Variants in REV3L observed in about 807,000 individuals in gnomAD.
The protein encoded by REV3L is DNA polymerase zeta catalytic subunit.
Under a neutral mutation model 299.4 loss-of-function variants are expected in REV3L, and 69 were observed. That is an observed-to-expected ratio of 0.23 (90% CI 0.19 to 0.28). The LOEUF is 0.28. Ranked by LOEUF, REV3L falls within the 10% of genes least tolerant of loss-of-function variation. The pLI is 1.00. For synonymous variants in REV3L, 1,238 were observed against 1,271.4 expected (o/e 0.97, Z 0.56); for missense variants, 3,128 against 3,693.8 (o/e 0.85, Z 3.97).
At chr6:111,300,191 AAAGT>A (rs1771328507) in intron 31 of REV3L, 35 bp from the exon 32 acceptor site, 1 of 1,539,306 alleles carries the variant, frequency 6.5e-7, no homozygotes, top group Non-Finnish European at 8.7e-7. Context: ...AAATAATAGG[AAAGT>A]TTTTATGCGT....
At chr6:111,426,244 G>T (rs577468731) in intron 1 of REV3L, among the ~76,000 whole-genome samples, 3 of 152,216 alleles carry the variant, frequency 2.0e-5, no homozygotes, top group Non-Finnish European at 4.4e-5. Flanking sequence ...AGAAAACCGA[G>T]AATTTGTTAC....
rs41289888 is a variant in REV3L at position 111,363,994 on chromosome 6, C to T, written c.6754-16G>A. ...CAAATTGATTCTATAAAAAAAAACA[C>T]ACACACACACAGCCAGAAAAAGATA... On this transcript the variant is annotated splice_polypyrimidine_tract_variant and intron_variant, in intron 15 of 31. Coordinates refer to ENST00000368802, the MANE Select transcript of REV3L (RefSeq NM_001372078.1). 1.1e-5 allele frequency: 17 copies of T among 1,592,480 alleles called. No homozygotes were observed. Among genetic ancestry groups the T allele is most frequent in the Non-Finnish European group, 1.5e-5 (17 of 1,171,986 alleles).
chr6:111,330,732 T>C (rs980438352), intron 24 of REV3L, among the ~76,000 whole-genome samples: 8 of 152,108 alleles, frequency 5.3e-5, no homozygotes, highest in Non-Finnish European at 1.2e-4. Context: ...AGGGACCAAA[T>C]TCGCAGAAAT....
At chr6:111,343,489 T>C (rs1028843952) in intron 21 of REV3L, among the ~76,000 whole-genome samples, 3 of 152,228 alleles carry the variant, frequency 2.0e-5, no homozygotes, top group African/African-American at 4.8e-5. Flanking sequence ...GAGTACAAGA[T>C]AAATGCATTT....
rs541885074 is a variant in REV3L, at chr6:111,388,712, T to C, written c.862+394A>G. Among the ~76,000 whole-genome samples the C allele has an allele frequency of 6.6e-5, 10 of 152,294 alleles. No homozygotes were observed. The South Asian group carries it at 1.7e-3, about 25-fold the overall frequency. ...TCAGAAAATAAACTGTGGGCAGCAT[T>C]TCAATGGCTACATTTTCAAAGCTTA... On this transcript the variant is annotated intron_variant, in intron 7 of 31. Transcript: ENST00000368802.
Position 111,310,077 on chromosome 6 carries a change from G to A in REV3L, c.8818C>T (p.Arg2940Cys), listed in dbSNP as rs1245201444. 2.5e-5 allele frequency: 40 copies of A among 1,574,916 alleles called. No individual in the cohort carries two copies. The highest frequency in any genetic ancestry group is 3.2e-5 in the Non-Finnish European group (37 of 1,159,238). Reference protein sequence around the residue: ...LTRKMLTYDRRSEPQVGERVP... With the variant: ...LTRKMLTYDRCSEPQVGERVP... ...CGCTCCCCAACCTGAGGCTCAGAGC[G>A]CCGGTCATAAGTCAGCATTTTCCTA... Residue 2940 changes from arginine (R) to cysteine (C), a missense_variant, in exon 30 of 32, where the codon CGC becomes TGC. Coordinates refer to ENST00000368802, the MANE Select transcript of REV3L (RefSeq NM_001372078.1).
chr6:111,476,423 T>A (rs1018155117), intron 1 of REV3L, among the ~76,000 whole-genome samples: 1 of 152,050 alleles, frequency 6.6e-6, no homozygotes. Context: ...TCCCAAAGTG[T>A]TGGGATTACA....
At chr6:111,303,165 C>CTTTCTTTTTTTTTTTTTT (rs4038141) in intron 31 of REV3L, among the ~76,000 whole-genome samples, 7 of 92,340 alleles carry the variant, frequency 7.6e-5, no homozygotes, top group Non-Finnish European at 1.3e-4. Flanking sequence ...TCTTTTCTTT[C>CTTTCTTTTTTTTTTTTTT]TTTTTTTTTT....
At position 111,482,873 on chromosome 6, in the gene REV3L, T is replaced by A; in HGVS notation, c.16A>T (p.Ile6Leu). 1 of 1,517,834 alleles carries A rather than the reference T, an allele frequency of 6.6e-7. No homozygotes were observed. Among genetic ancestry groups the A allele is most frequent in the Non-Finnish European group, 8.8e-7 (1 of 1,142,082 alleles). 94.0% of individuals were successfully genotyped at this position (1,517,834 alleles called of 1,614,324 possible). ...GCCATGTAGTAGTCTGCAGTCACTATCCTTACTGAAAACATGTTCGCCGCC... is the reference window on the plus strand; with the variant it reads ...GCCATGTAGTAGTCTGCAGTCACTAACCTTACTGAAAACATGTTCGCCGCC... MFSVRIVTADYYMASP... is the reference protein window; with the variant it reads MFSVRLVTADYYMASP... The change falls in exon 1 of 32, where the codon ATA becomes TTA. Residue 6 changes from isoleucine to leucine, a missense_variant. Transcript: ENST00000368802.
chr6:111,365,253 T>C lies in REV3L; in HGVS notation c.6753+12A>G. 1 of 1,402,244 alleles carries C rather than the reference T, an allele frequency of 7.1e-7. No individual in the cohort carries two copies. Among genetic ancestry groups the C allele is most frequent in the South Asian group, 1.4e-5 (1 of 72,296 alleles). The allele number at this position is 1,402,244 out of a possible 1,614,324, so 86.9% of individuals were successfully genotyped here. The stretch of plus-strand genomic sequence containing the variant: ...TCTTCCACTGATCTTTAAAAATGTT[T>C]AGTATAGTTACCTTTGCTTGTGTTA... On this transcript the variant is annotated intron_variant, in intron 15 of 31. Coordinates refer to ENST00000368802, the MANE Select transcript of REV3L (RefSeq NM_001372078.1).
At chr6:111,467,884 C>G (rs578048859) in intron 1 of REV3L, among the ~76,000 whole-genome samples, 2 of 152,168 alleles carry the variant, frequency 1.3e-5, no homozygotes, top group African/African-American at 4.8e-5. Flanking sequence ...AGAAGCACTA[C>G]CATGATCTAT....
chr6:111,400,221 G>A (rs1182872534), intron 4 of REV3L, among the ~76,000 whole-genome samples: 2 of 152,154 alleles, frequency 1.3e-5, no homozygotes, highest in East Asian at 3.9e-4. Context: ...ACAGGTTTGG[G>A]TGGACCTAAA....
At chr6:111,386,755 T>G (rs1332236127) in intron 9 of REV3L, among the ~76,000 whole-genome samples, 1 of 146,842 alleles carries the variant, frequency 6.8e-6, no homozygotes, top group Admixed American at 6.9e-5. Context: ...GGAGTTTTGC[T>G]CTGTTGCCCA....
At chr6:111,353,265 A>G (rs937274221) in intron 18 of REV3L, among the ~76,000 whole-genome samples, 1 of 152,208 alleles carries the variant, frequency 6.6e-6, no homozygotes, top group African/African-American at 2.4e-5. Context: ...TTTAGAACCA[A>G]TATGTTAATA....
intron 12 of REV3L, among the ~76,000 whole-genome samples, 176 bp downstream of exon 12, chr6:111,377,525 G>A (rs955906155): frequency 1.1e-4 from 16 of 151,890 alleles, no homozygotes; most frequent in Non-Finnish European, 1.6e-4. Flanking sequence ...TTTTAGAGAC[G>A]GGGGTCCCAC....
intron 1 of REV3L, among the ~76,000 whole-genome samples, chr6:111,417,011 G>GA (rs533411120): frequency 0.043 from 6,070 of 141,978 alleles, 358 homozygotes; most frequent in African/African-American, 0.14. Context: ...CCATTAAAAG[G>GA]AAAAAAAAAA....
intron 1 of REV3L, among the ~76,000 whole-genome samples, chr6:111,435,204 T>C (rs536736661): frequency 6.6e-6 from 1 of 152,294 alleles, no homozygotes; most frequent in South Asian, 2.1e-4. Flanking sequence ...AGCAAGATCC[T>C]GTCTCAAAAC....
At chr6:111,409,181 A>T (rs577860324) in intron 3 of REV3L, among the ~76,000 whole-genome samples, 1 of 152,272 alleles carries the variant, frequency 6.6e-6, no homozygotes, top group Admixed American at 6.5e-5. Flanking sequence ...GCTTTTGTTG[A>T]TGTATATAAA....
chr6:111,459,550 T>C (rs908191088), intron 1 of REV3L, among the ~76,000 whole-genome samples: 11 of 151,990 alleles, frequency 7.2e-5, no homozygotes, highest in Non-Finnish European at 1.2e-4. Context: ...ATCCAGAATT[T>C]ATAAGGAACT....
Sources: allele counts gnomAD v4.1 joint callset (sites outside exome capture counted in the v4.1 genomes callset), GRCh38; gene constraint gnomAD v4.1.1; transcripts MANE v1.5; gene names NCBI Gene and HGNC (gene_info 2026-07-23, HGNC 2026-07-21).